Variants in LRRC69 observed in about 807,000 individuals in gnomAD.
The protein encoded by LRRC69 is leucine rich repeat containing 69.
LRRC69 carries 42 observed loss-of-function variants against 37.8 expected under a neutral mutation model. That is an observed-to-expected ratio of 1.11 (90% CI 0.87 to 1.44). The LOEUF is 1.44. Ranked by LOEUF, LRRC69 falls within the 40% of genes most tolerant of loss-of-function variation. The probability of loss-of-function intolerance (pLI) is 0.00; values close to 1 mark genes in which losing one functional copy is unlikely to be tolerated. For synonymous variants in LRRC69, 141 were observed against 143.1 expected (o/e 0.99, Z 0.11); for missense variants, 357 against 401.9 (o/e 0.89, Z 0.96).
chr8:91,200,964 C>G (rs1356395606), intron 7 of LRRC69, among the ~76,000 whole-genome samples, 172 bp downstream of exon 7: 1 of 152,036 alleles, frequency 6.6e-6, no homozygotes, highest in Middle Eastern at 3.2e-3. Context: ...TCATCATCAC[C>G]CATTCTATTT....
At chr8:91,143,836 A>C (rs1239127443) in intron 5 of LRRC69, among the ~76,000 whole-genome samples, 1 of 152,032 alleles carries the variant, frequency 6.6e-6, no homozygotes, top group Non-Finnish European at 1.5e-5. Context: ...AATCATTTGA[A>C]TAGTGAGGAG....
rs536434035 is a variant in LRRC69 at position 91,130,137 on chromosome 8, A to T, written c.384-2973A>T. On this transcript the variant is annotated intron_variant, in intron 3 of 7. Coordinates refer to ENST00000448384, the Ensembl canonical transcript of LRRC69. ...CTGATTTCTGTGTTCTTTACAAATT[A>T]GTTTTACCAATCCTAGAACTAAATA... is the stretch of plus-strand genomic sequence containing the variant. 5.9e-5 allele frequency among the ~76,000 whole-genome samples: 9 copies of T among 152,154 alleles called. No homozygotes were observed. In the South Asian group the frequency reaches 1.2e-3, roughly 21 times the overall value.
chr8:91,114,611 C>T (rs1246298477), intron 1 of LRRC69, among the ~76,000 whole-genome samples: 1 of 151,980 alleles, frequency 6.6e-6, no homozygotes, highest in Non-Finnish European at 1.5e-5. Context: ...CAAATACTTA[C>T]CATTATGCTA....
intron 7 of LRRC69, among the ~76,000 whole-genome samples, chr8:91,217,782 TTTGCTGA>T (rs1485920447): frequency 6.6e-6 from 1 of 152,126 alleles, no homozygotes; most frequent in East Asian, 1.9e-4. Flanking sequence ...TCAGAACCTG[TTTGCTGA>T]TTGATGAATT....
intron 5 of LRRC69, among the ~76,000 whole-genome samples, chr8:91,148,596 C>A (rs940058423): frequency 6.6e-6 from 1 of 151,912 alleles, no homozygotes; most frequent in African/African-American, 2.4e-5. Context: ...GGGTATATAA[C>A]CAGTAATGGG....
chr8:91,160,490 G>A (rs1443333509), intron 5 of LRRC69, among the ~76,000 whole-genome samples: 1 of 151,022 alleles, frequency 6.6e-6, no homozygotes, highest in African/African-American at 2.4e-5. Context: ...CAATGTTGGG[G>A]GAGGGACCTG....
intron 7 of LRRC69, among the ~76,000 whole-genome samples, chr8:91,201,856 A>G (rs926035584): frequency 2.0e-5 from 3 of 152,222 alleles, no homozygotes; most frequent in Non-Finnish European, 1.5e-5. Context: ...AAAGAATGGT[A>G]TATTAGTTTG....
intron 5 of LRRC69, among the ~76,000 whole-genome samples, chr8:91,168,709 T>C (rs959032383): frequency 6.9e-6 from 1 of 144,930 alleles, no homozygotes; most frequent in Non-Finnish European, 1.5e-5. Context: ...TGACACTCTA[T>C]GTGTTGTCTG....
chr8:91,139,266 G>C (rs1586240252), intron 5 of LRRC69: 1 of 151,830 alleles, frequency 6.6e-6, no homozygotes, highest in East Asian at 2.0e-4. Context: ...TTTCGGCCGG[G>C]TGCAGTGGCT....
intron 6 of LRRC69, among the ~76,000 whole-genome samples, chr8:91,197,256 A>G (rs945214781): frequency 6.6e-6 from 1 of 152,184 alleles, no homozygotes; most frequent in Admixed American, 6.5e-5. Context: ...GCTGTCAGAC[A>G]GGGACATTTA....
exon 8 of LRRC69, chr8:91,218,901 A>G: frequency 6.5e-7 from 1 of 1,547,130 alleles, no homozygotes; most frequent in Non-Finnish European, 8.7e-7. Flanking sequence ...ACTGGAAGAT[A>G]AGCAAGAATC....
At chr8:91,169,119 T>G (rs1424695763) in intron 5 of LRRC69, among the ~76,000 whole-genome samples, 1 of 151,974 alleles carries the variant, frequency 6.6e-6, no homozygotes, top group Non-Finnish European at 1.5e-5. Context: ...TTTTTAGAGC[T>G]GGAGGCCATA....
At chr8:91,110,133 A>G (rs1434330073) in intron 1 of LRRC69, among the ~76,000 whole-genome samples, 1 of 152,054 alleles carries the variant, frequency 6.6e-6, no homozygotes, top group Non-Finnish European at 1.5e-5. Context: ...TATATTATAT[A>G]CTATTTGATT....
At chr8:91,156,244 AC>A (rs1314121879) in intron 5 of LRRC69, among the ~76,000 whole-genome samples, 1 of 150,890 alleles carries the variant, frequency 6.6e-6, no homozygotes, top group African/African-American at 2.4e-5. Flanking sequence ...ACAAATTCAA[AC>A]TTTTGGACAA....
chr8:91,170,406 A>G (rs979987628), intron 5 of LRRC69, among the ~76,000 whole-genome samples: 4 of 148,246 alleles, frequency 2.7e-5, no homozygotes, highest in Non-Finnish European at 6.0e-5. Context: ...AAACTACTTT[A>G]AAGTTCATAT....
At chr8:91,140,644 T>TAATCATTGGGTGTTCTTCTACC (rs1215630122) in intron 5 of LRRC69, among the ~76,000 whole-genome samples, 25 of 28,430 alleles carry the variant, frequency 8.8e-4, no homozygotes, top group South Asian at 1.6e-3. Context: ...ATGTGATTTT[T>TAATCATTGGGTGTTCTTCTACC]TTTTTTTTTT....
rs1808520897 is a variant in LRRC69, at chr8:91,140,912, C to CTT, written c.651+5173_651+5174insTT. On this transcript the variant is annotated intron_variant, in intron 5 of 7. Coordinates refer to ENST00000448384, the Ensembl canonical transcript of LRRC69. ...TCGTGATCCGCCCGCCTCGGCCTCCCAAAGTGCTGGGATTACAGGCGTGAG... is the reference window on the plus strand; with the variant it reads ...TCGTGATCCGCCCGCCTCGGCCTCCCTTAAAGTGCTGGGATTACAGGCGTGAG... Among the ~76,000 whole-genome samples, 8 of 19,254 alleles carry CTT rather than the reference C, an allele frequency of 4.2e-4. 1 individual carries two copies. Among genetic ancestry groups the CTT allele is most frequent in the Non-Finnish European group, 7.3e-4 (5 of 6,848 alleles). The allele number at this position is 19,254 out of a possible 152,430, so 12.6% of individuals were successfully genotyped here.
At chr8:91,216,761 ATAT>A (rs1274862397) in intron 7 of LRRC69, among the ~76,000 whole-genome samples, 2 of 152,134 alleles carry the variant, frequency 1.3e-5, no homozygotes, top group African/African-American at 4.8e-5. Context: ...TAGATTTAAA[ATAT>A]TATATGTGTC....
intron 7 of LRRC69, among the ~76,000 whole-genome samples, chr8:91,215,935 GGCA>G (rs2130654573): frequency 6.6e-6 from 1 of 152,172 alleles, no homozygotes; most frequent in East Asian, 1.9e-4. Context: ...AATTTAAAAG[GGCA>G]GCAAGTGTTA....
Sources: allele counts gnomAD v4.1 joint callset (sites outside exome capture counted in the v4.1 genomes callset), GRCh38; gene constraint gnomAD v4.1.1; transcripts MANE v1.5; gene names NCBI Gene and HGNC (gene_info 2026-07-23, HGNC 2026-07-21).